The following SLC10A7 variants were observed in gnomAD, a reference collection of about 807,000 sequenced individuals.
SLC10A7 encodes the protein solute carrier family 10 member 7.
Under a neutral mutation model 43.2 loss-of-function variants are expected in SLC10A7, and 29 were observed. That is an observed-to-expected ratio of 0.67 (90% CI 0.50 to 0.92). The LOEUF is 0.92. Among genes scored for constraint, SLC10A7 ranks in the 40% least tolerant of loss-of-function variants. The pLI is 0.00. For synonymous variants in SLC10A7, 152 were observed against 144.8 expected, an observed-to-expected ratio of 1.05 and a Z score of -0.35; for missense variants, 295 against 403.2, an observed-to-expected ratio of 0.73 and a Z score of 2.30.
intron 5 of SLC10A7, among the ~76,000 whole-genome samples, chr4:146,373,535 G>A (rs1736946655): frequency 6.6e-6 from 1 of 151,762 alleles, no homozygotes; most frequent in Admixed American, 6.6e-5. Flanking sequence ...TCAAGGGCTG[G>A]CAATGTATGC....
rs181559601 is a variant in SLC10A7 at position 146,330,551 on chromosome 4, C to T, written c.436-4555G>A. Among the ~76,000 whole-genome samples the T allele has an allele frequency of 3.9e-3, 598 of 152,268 alleles. 2 individuals are homozygous for T. The highest frequency in any genetic ancestry group is 0.013 in the African/African-American group (547 of 41,550). On this transcript the variant is annotated intron_variant, in intron 5 of 11. Coordinates refer to ENST00000335472, the MANE Select transcript of SLC10A7 (RefSeq NM_001029998.6). ...TCACGTCCTTATATAACGCTGAAAC[C>T]TACTTTTCAGTTGCATTAGGAAATG...
intron 10 of SLC10A7, among the ~76,000 whole-genome samples, chr4:146,273,805 C>T (rs17827901): frequency 0.052 from 7,958 of 152,088 alleles, 299 homozygotes; most frequent in Non-Finnish European, 0.085. Flanking sequence ...CTGAAACTCC[C>T]TCCCGCCGAT....
intron 10 of SLC10A7, among the ~76,000 whole-genome samples, chr4:146,275,901 C>T (rs534751634): frequency 2.3e-4 from 35 of 152,068 alleles, no homozygotes; most frequent in African/African-American, 8.2e-4. Context: ...GAGCACCTTG[C>T]ATGAGAGGGT....
At chr4:146,505,931 G>T (rs1736855416) in intron 3 of SLC10A7, among the ~76,000 whole-genome samples, 1 of 152,152 alleles carries the variant, frequency 6.6e-6, no homozygotes, top group South Asian at 2.1e-4. Context: ...AGTGAAGAAA[G>T]AAGATAAGTA....
chr4:146,277,682 C>T (rs1387650388), intron 10 of SLC10A7, among the ~76,000 whole-genome samples: 1 of 152,090 alleles, frequency 6.6e-6, no homozygotes, highest in Non-Finnish European at 1.5e-5. Flanking sequence ...CAAAGATAGT[C>T]TTCTATTTTC....
chr4:146,275,329 A>AATT (rs1729138341), intron 10 of SLC10A7, among the ~76,000 whole-genome samples: 1 of 152,112 alleles, frequency 6.6e-6, no homozygotes, highest in African/African-American at 2.4e-5. Context: ...ACTGAATAGT[A>AATT]GAGCTAGAAG....
At chr4:146,445,707 A>T (rs1164358344) in intron 4 of SLC10A7, among the ~76,000 whole-genome samples, 2 of 151,956 alleles carry the variant, frequency 1.3e-5, no homozygotes, top group Non-Finnish European at 2.9e-5. Context: ...AATGTGGAGG[A>T]CTTTGTTGAG....
chr4:146,509,688 G>A (rs756356085), intron 3 of SLC10A7, among the ~76,000 whole-genome samples: 5 of 152,042 alleles, frequency 3.3e-5, no homozygotes, highest in Non-Finnish European at 7.4e-5. Context: ...AGTGCTCGTC[G>A]TAAAACCACA....
At chr4:146,325,100 T>A (rs1733010177) in intron 6 of SLC10A7, among the ~76,000 whole-genome samples, 1 of 152,182 alleles carries the variant, frequency 6.6e-6, no homozygotes, top group Admixed American at 6.5e-5. Context: ...TTAAATAAAT[T>A]TTCCCCATAG....
At chr4:146,321,470 TTACCTGA>T (rs1206054549) in intron 6 of SLC10A7, among the ~76,000 whole-genome samples, 2 of 152,080 alleles carry the variant, frequency 1.3e-5, no homozygotes, top group Non-Finnish European at 2.9e-5. Flanking sequence ...ACTTTTGCAA[TTACCTGA>T]TGTCCAAACA....
intron 4 of SLC10A7, among the ~76,000 whole-genome samples, chr4:146,445,297 A>G (rs986465830): frequency 2.6e-5 from 4 of 152,150 alleles, no homozygotes; most frequent in African/African-American, 9.7e-5. Context: ...GGACTCGCGA[A>G]GGGGTTGGCT....
chr4:146,313,889 G>A (rs929146824), intron 6 of SLC10A7, among the ~76,000 whole-genome samples: 5 of 152,074 alleles, frequency 3.3e-5, no homozygotes, highest in African/African-American at 7.2e-5. Context: ...GCCCAAATAC[G>A]TTTTAAGTTT....
chr4:146,498,204 G>A (rs766574557), intron 4 of SLC10A7, among the ~76,000 whole-genome samples: 8 of 151,232 alleles, frequency 5.3e-5, no homozygotes, highest in South Asian at 4.2e-4. Flanking sequence ...TGCAACCTCC[G>A]CGCCCCGGGT....
At chr4:146,341,976 C>G (rs552655213) in intron 5 of SLC10A7, among the ~76,000 whole-genome samples, 11 of 151,612 alleles carry the variant, frequency 7.3e-5, no homozygotes, top group Non-Finnish European at 1.5e-4. Context: ...TTTCTAGCTC[C>G]CTCTCAACTC....
chr4:146,470,023 G>A (rs1032997284), intron 4 of SLC10A7, among the ~76,000 whole-genome samples: 1 of 152,150 alleles, frequency 6.6e-6, no homozygotes, highest in East Asian at 1.9e-4. Context: ...GACGGGCTAC[G>A]TTTGGGGCAG....
At chr4:146,429,845 A>G (rs1011936274) in intron 5 of SLC10A7, among the ~76,000 whole-genome samples, 2 of 152,130 alleles carry the variant, frequency 1.3e-5, no homozygotes, top group African/African-American at 4.8e-5. Flanking sequence ...TCCAAGTGTT[A>G]GAGGATGCTT....
chr4:146,397,875 A>G (rs1298374144), intron 5 of SLC10A7, among the ~76,000 whole-genome samples: 1 of 152,222 alleles, frequency 6.6e-6, no homozygotes, highest in African/African-American at 2.4e-5. Flanking sequence ...AGTGGAAACT[A>G]AAGCTGAAAG....
In SLC10A7 at chr4:146,471,945, A is replaced by G. The variant is rs1733606647; in HGVS notation, c.397-29124T>C. Among the ~76,000 whole-genome samples the G allele has an allele frequency of 2.0e-5, 3 of 152,140 alleles. No individual in the cohort carries two copies. In the South Asian group the frequency reaches 6.2e-4, roughly 32 times the overall value. ...ATCAAATTCACGAACTCAAGAAAAT[A>G]TTCTTCTGACCCACCCATTTCCTGT... On this transcript the variant is annotated intron_variant, in intron 4 of 11. Transcript: ENST00000335472.
intron 2 of SLC10A7, among the ~76,000 whole-genome samples, chr4:146,516,300 TA>T (rs889453820): frequency 6.6e-6 from 1 of 151,802 alleles, no homozygotes; most frequent in African/African-American, 2.4e-5. Flanking sequence ...CTATCACACG[TA>T]AATGTAAAAA....
Sources: gnomAD v4.1 joint callset for allele counts (sites outside exome capture counted in the v4.1 genomes callset) on GRCh38, gnomAD v4.1.1 for gene constraint, MANE v1.5 for transcripts, NCBI Gene and HGNC (gene_info 2026-07-23, HGNC 2026-07-21) for gene names.